Variants in OSBP2 observed in about 807,000 individuals in gnomAD.
OSBP2 encodes oxysterol binding protein 2.
Under a neutral mutation model 96.0 loss-of-function variants are expected in OSBP2, and 66 were observed. That is an observed-to-expected ratio of 0.69 (90% CI 0.56 to 0.84). OSBP2 has a LOEUF of 0.84. Ranked by LOEUF, OSBP2 falls within the 40% of genes least tolerant of loss-of-function variation. OSBP2 has a pLI of 0.00. For missense variants in OSBP2, 1,038 were observed against 1,222.7 expected, an observed-to-expected ratio of 0.85 and a Z score of 2.25; for synonymous variants, 525 against 520.9, an observed-to-expected ratio of 1.01 and a Z score of -0.11.
chr22:30,859,055 TA>T (rs2039151333), intron 2 of OSBP2, among the ~76,000 whole-genome samples: 2 of 152,100 alleles, frequency 1.3e-5, no homozygotes, highest in Non-Finnish European at 2.9e-5. Context: ...CCATGGTTCC[TA>T]GTGGCGGAAC....
intron 12 of OSBP2, chr22:30,902,491 G>A (rs2040235744): frequency 1.3e-6 from 2 of 1,576,114 alleles, no homozygotes; most frequent in East Asian, 2.2e-5. Context: ...CAGAAAAGGT[G>A]TACCAGATGA....
At chr22:30,710,048 A>G (rs2089322910) in intron 1 of OSBP2, among the ~76,000 whole-genome samples, 1 of 151,870 alleles carries the variant, frequency 6.6e-6, no homozygotes, top group Non-Finnish European at 1.5e-5. Context: ...ATGCCTGGCT[A>G]ATTTTTTTGG....
intron 1 of OSBP2, among the ~76,000 whole-genome samples, chr22:30,715,167 G>C (rs193183228): frequency 1.0e-3 from 154 of 152,124 alleles, no homozygotes; most frequent in Admixed American, 2.9e-3. Context: ...AAAGTGCTGA[G>C]ATTACAGGCA....
At chr22:30,715,050 G>A (rs1382197445) in intron 1 of OSBP2, among the ~76,000 whole-genome samples, 1 of 150,742 alleles carries the variant, frequency 6.6e-6, no homozygotes, top group Non-Finnish European at 1.5e-5. Context: ...CACTGAAAAT[G>A]TTTCTTTTTT....
At chr22:30,767,378 C>T (rs995789966) in intron 2 of OSBP2, among the ~76,000 whole-genome samples, 10 of 152,048 alleles carry the variant, frequency 6.6e-5, no homozygotes, top group Non-Finnish European at 1.3e-4. Context: ...GGAATCGTCA[C>T]ATACCTGTCA....
intron 1 of OSBP2, among the ~76,000 whole-genome samples, chr22:30,696,101 G>C (rs1407873833): frequency 3.9e-5 from 6 of 152,134 alleles, no homozygotes; most frequent in Admixed American, 6.6e-5. Flanking sequence ...CACGGTTCTT[G>C]GCCTTCAGGA....
At chr22:30,857,459 C>T (rs996150515) in intron 2 of OSBP2, among the ~76,000 whole-genome samples, 2 of 152,194 alleles carry the variant, frequency 1.3e-5, no homozygotes, top group African/African-American at 2.4e-5. Flanking sequence ...CGGAAATAGT[C>T]GCGACCGATA....
rs1234623135 is a variant in OSBP2 at position 30,907,412 on chromosome 22, G to A, written c.*1073G>A. 1.3e-5 allele frequency: 2 copies of A among 152,002 alleles called. No homozygotes were observed. Among genetic ancestry groups the A allele is most frequent in the African/African-American group, 2.4e-5 (1 of 41,356 alleles). The allele number at this position is 152,002 out of a possible 1,614,324, so 9.4% of individuals were successfully genotyped here. On this transcript the variant is annotated 3_prime_UTR_variant, in exon 14 of 14. Coordinates refer to ENST00000332585, the MANE Select transcript of OSBP2 (RefSeq NM_030758.4). ...AAAAGTGAAAAAATGATGAAGACGG[G>A]TGCACCTGTCTGAGTTTGGCCCTCA...
intron 1 of OSBP2, among the ~76,000 whole-genome samples, chr22:30,728,069 A>G (rs1481697831): frequency 6.7e-6 from 1 of 150,116 alleles, no homozygotes; most frequent in African/African-American, 2.5e-5. Flanking sequence ...ACACCACTGC[A>G]CTTCAACCTG....
At chr22:30,857,879 G>T (rs914453828) in intron 2 of OSBP2, among the ~76,000 whole-genome samples, 1 of 152,306 alleles carries the variant, frequency 6.6e-6, no homozygotes, top group East Asian at 1.9e-4. Context: ...CCCTCAGCAG[G>T]CACTGTGGGT....
intron 12 of OSBP2, among the ~76,000 whole-genome samples, chr22:30,895,424 C>T (rs566562398): frequency 2.6e-5 from 4 of 151,952 alleles, no homozygotes; most frequent in South Asian, 2.1e-4. Flanking sequence ...AAATGAAGAC[C>T]GAAGAAAAAA....
intron 12 of OSBP2, chr22:30,894,230 CCCTCCCTGTT>C (rs1223966912): frequency 4.0e-6 from 2 of 505,302 alleles, no homozygotes; most frequent in South Asian, 3.6e-5. Context: ...AGGACAGAGC[CCCTCCCTGTT>C]CCTCCCTACA....
intron 3 of OSBP2, chr22:30,872,518 T>C: frequency 2.6e-6 from 1 of 381,910 alleles, no homozygotes; most frequent in Non-Finnish European, 5.2e-6. Flanking sequence ...AATTGTTTTA[T>C]GAGAAGCACA....
chr22:30,797,300 G>C (rs1378313986), intron 2 of OSBP2, among the ~76,000 whole-genome samples: 2 of 151,602 alleles, frequency 1.3e-5, no homozygotes, highest in African/African-American at 4.8e-5. Context: ...TATTTTTTTT[G>C]AGACAAAGTC....
Position 30,860,592 on chromosome 22 carries a change from G to A in OSBP2, c.854-9837G>A, listed in dbSNP as rs528949336. Among the ~76,000 whole-genome samples the A allele has an allele frequency of 9.1e-4, 139 of 152,338 alleles. 2 individuals are homozygous for A. Among genetic ancestry groups the A allele is most frequent in the South Asian group, 9.1e-3 (44 of 4,824 alleles). Reference sequence around the variant, plus strand: ...TGTCCTTCATGCATCTGCCAGGCTGGGCTCAAGAACAGCCCTGTGGAAGTC... The same window carrying A: ...TGTCCTTCATGCATCTGCCAGGCTGAGCTCAAGAACAGCCCTGTGGAAGTC... On this transcript the variant is annotated intron_variant, in intron 2 of 13. Coordinates refer to ENST00000332585, the MANE Select transcript of OSBP2 (RefSeq NM_030758.4).
intron 2 of OSBP2, among the ~76,000 whole-genome samples, chr22:30,742,688 T>G (rs2089955308): frequency 6.6e-6 from 1 of 152,200 alleles, no homozygotes; most frequent in South Asian, 2.1e-4. Context: ...CTTACAACAG[T>G]GTAGTATTTC....
At chr22:30,880,076 C>T (rs534904381) in intron 3 of OSBP2, among the ~76,000 whole-genome samples, 14 of 152,114 alleles carry the variant, frequency 9.2e-5, no homozygotes, top group South Asian at 4.1e-4. Context: ...GAGGCCAGCC[C>T]GCCACTCCTC....
intron 2 of OSBP2, among the ~76,000 whole-genome samples, chr22:30,805,243 T>C (rs2090912491): frequency 6.6e-6 from 1 of 152,248 alleles, no homozygotes; most frequent in Admixed American, 6.5e-5. Context: ...ATGAAAAATA[T>C]GAACACTATT....
intron 2 of OSBP2, chr22:30,822,797 C>T (rs1360548542): frequency 8.4e-7 from 1 of 1,188,734 alleles, no homozygotes; most frequent in Non-Finnish European, 1.2e-6. Flanking sequence ...GTGATCGATC[C>T]ACGGGAGCCT....
Sources: gnomAD v4.1 joint callset for allele counts (sites outside exome capture counted in the v4.1 genomes callset) on GRCh38, gnomAD v4.1.1 for gene constraint, MANE v1.5 for transcripts, NCBI Gene and HGNC (gene_info 2026-07-23, HGNC 2026-07-21) for gene names.